ADCY2: variants seen among roughly 807,000 people sequenced by gnomAD.
The protein encoded by ADCY2 is adenylate cyclase 2.
Under a neutral mutation model 125.2 loss-of-function variants are expected in ADCY2, and 31 were observed. The ratio of observed to expected loss-of-function variants is 0.25; its 90% CI spans 0.19 to 0.33. ADCY2 has a LOEUF of 0.33. ADCY2 is among the 10% of genes least tolerant of loss of function. ADCY2 has a pLI of 1.00. For missense variants in ADCY2, 904 were observed against 1,418.2 expected (o/e 0.64, Z 5.82); for synonymous variants, 512 against 548.4 (o/e 0.93, Z 0.93).
At chr5:7,685,006 C>T (rs972698513) in intron 4 of ADCY2, 1 of 152,240 alleles carries the variant, frequency 6.6e-6, no homozygotes, top group African/African-American at 2.4e-5. Context: ...TATGAAAACA[C>T]TGGCCTTTAA....
At chr5:7,470,045 C>T (rs188939518) in intron 2 of ADCY2, among the ~76,000 whole-genome samples, 79 of 151,818 alleles carry the variant, frequency 5.2e-4, no homozygotes, top group African/African-American at 1.8e-3. Flanking sequence ...AAATAATTGG[C>T]CAAGTTAACT....
chr5:7,651,223 G>A (rs189833225), intron 4 of ADCY2, among the ~76,000 whole-genome samples: 1 of 152,272 alleles, frequency 6.6e-6, no homozygotes, highest in Admixed American at 6.5e-5. Context: ...AATTCTTCTA[G>A]TAAATTTTGA....
chr5:7,774,649 G>C (rs1326731566), intron 18 of ADCY2, among the ~76,000 whole-genome samples: 1 of 152,108 alleles, frequency 6.6e-6, no homozygotes, highest in African/African-American at 2.4e-5. Flanking sequence ...CTAGTTATCA[G>C]GTTGAAGAAA....
chr5:7,535,101 C>T (rs915561127), intron 3 of ADCY2, among the ~76,000 whole-genome samples: 3 of 152,246 alleles, frequency 2.0e-5, no homozygotes, highest in South Asian at 2.1e-4. Flanking sequence ...AGTGCAATGG[C>T]GCAATCACGG....
chr5:7,786,460 A>G (rs1386524772), intron 19 of ADCY2, among the ~76,000 whole-genome samples: 1 of 152,190 alleles, frequency 6.6e-6, no homozygotes, highest in Non-Finnish European at 1.5e-5. Flanking sequence ...ACTTATTTTC[A>G]TTGTTATTTT....
intron 18 of ADCY2, among the ~76,000 whole-genome samples, chr5:7,777,390 C>T (rs2126488516): frequency 6.6e-6 from 1 of 152,322 alleles, no homozygotes; most frequent in South Asian, 2.1e-4. Context: ...ACTCAAAAAA[C>T]ATCTGTTGAA....
chr5:7,758,136 G>C (rs1743077091), intron 16 of ADCY2, among the ~76,000 whole-genome samples: 1 of 152,134 alleles, frequency 6.6e-6, no homozygotes, highest in Non-Finnish European at 1.5e-5. Flanking sequence ...AACTCCACAG[G>C]CTCCATTTTC....
chr5:7,420,017 C>G (rs772892916), intron 2 of ADCY2, among the ~76,000 whole-genome samples: 1 of 152,204 alleles, frequency 6.6e-6, no homozygotes, highest in Non-Finnish European at 1.5e-5. Flanking sequence ...GAGGCTGGCT[C>G]TCAGCCAGGA....
chr5:7,530,796 C>G (rs868138025), intron 3 of ADCY2, among the ~76,000 whole-genome samples: 1 of 152,048 alleles, frequency 6.6e-6, no homozygotes, highest in African/African-American at 2.4e-5. Context: ...ATGGGAGCCC[C>G]AACAGTGCCA....
chr5:7,715,633 A>G (rs1253500456), intron 11 of ADCY2, among the ~76,000 whole-genome samples: 1 of 152,006 alleles, frequency 6.6e-6, no homozygotes, highest in Non-Finnish European at 1.5e-5. Context: ...AAAACCTCTT[A>G]ATTCATTTGG....
chr5:7,602,896 A>G (rs1024368687), intron 3 of ADCY2, among the ~76,000 whole-genome samples: 2 of 152,174 alleles, frequency 1.3e-5, no homozygotes, highest in African/African-American at 4.8e-5. Flanking sequence ...CAGAGGATTA[A>G]ACAAATGGGA....
intron 3 of ADCY2, among the ~76,000 whole-genome samples, chr5:7,586,237 A>T (rs1188241833): frequency 2.6e-5 from 4 of 152,206 alleles, no homozygotes; most frequent in Non-Finnish European, 4.4e-5. Flanking sequence ...TGGCAAACCG[A>T]TATGATAAAT....
intron 11 of ADCY2, among the ~76,000 whole-genome samples, chr5:7,714,712 A>G (rs888781382): frequency 6.6e-6 from 1 of 152,220 alleles, no homozygotes; most frequent in Non-Finnish European, 1.5e-5. Flanking sequence ...CTCTGTAGTC[A>G]TTGATCTTTG....
At chr5:7,413,239 CCAGA>C (rs1222099605) in intron 1 of ADCY2, among the ~76,000 whole-genome samples, 1 of 152,174 alleles carries the variant, frequency 6.6e-6, no homozygotes, top group Non-Finnish European at 1.5e-5. Flanking sequence ...ATAGAGATCA[CCAGA>C]CAGACAGTCC....
intron 1 of ADCY2, among the ~76,000 whole-genome samples, chr5:7,402,347 G>T (rs922643585): frequency 6.6e-6 from 1 of 152,208 alleles, no homozygotes; most frequent in Non-Finnish European, 1.5e-5. Flanking sequence ...GTATAAGGAT[G>T]CAATAAAAAA....
intron 2 of ADCY2, among the ~76,000 whole-genome samples, chr5:7,457,015 C>T (rs1023011007): frequency 1.3e-5 from 2 of 152,190 alleles, no homozygotes; most frequent in Non-Finnish European, 2.9e-5. Flanking sequence ...TGCAAATTCT[C>T]AGGCTCCACC....
chr5:7,743,457 G>C (rs1246566479), intron 14 of ADCY2, among the ~76,000 whole-genome samples: 3 of 152,146 alleles, frequency 2.0e-5, no homozygotes, highest in African/African-American at 7.2e-5. Flanking sequence ...GTTTTATTGA[G>C]TCAGAATAAG....
At chr5:7,635,544 G>C (rs1049739027) in intron 4 of ADCY2, among the ~76,000 whole-genome samples, 1 of 152,050 alleles carries the variant, frequency 6.6e-6, no homozygotes, top group Non-Finnish European at 1.5e-5. Flanking sequence ...GGGAGGTAAG[G>C]TACAGTAGAA....
At chr5:7,426,788 C>T (rs1407778833) in intron 2 of ADCY2, among the ~76,000 whole-genome samples, 1 of 152,096 alleles carries the variant, frequency 6.6e-6, no homozygotes, top group African/African-American at 2.4e-5. Flanking sequence ...GGCTTCCACC[C>T]TCTGTAACGG....
Sources: gnomAD v4.1 joint callset for allele counts (sites outside exome capture counted in the v4.1 genomes callset) on GRCh38, gnomAD v4.1.1 for gene constraint, MANE v1.5 for transcripts, NCBI Gene and HGNC (gene_info 2026-07-23, HGNC 2026-07-21) for gene names.